Variants in DNAI4 observed in about 807,000 individuals in gnomAD.
The protein encoded by DNAI4 is dynein axonemal intermediate chain 4, also known as WD repeat domain 78.
Under a neutral mutation model 105.8 loss-of-function variants are expected in DNAI4, and 85 were observed. The observed-to-expected ratio is 0.80, with a 90% CI of 0.67 to 0.96. The LOEUF (loss-of-function observed/expected upper bound fraction) is 0.96, where lower values mean the gene tolerates loss of function less well. DNAI4 is among the 40% of genes least tolerant of loss of function. The pLI is 0.00. For synonymous variants in DNAI4, 352 were observed against 331.5 expected (o/e 1.06, Z -0.67); for missense variants, 1,014 against 1,005.6 (o/e 1.01, Z -0.11).
rs1192463941 is a variant in DNAI4, at chr1:66,836,230, GAGAGAA to G, written c.1582-459_1582-454del. Among the ~76,000 whole-genome samples the G allele has an allele frequency of 3.3e-4, 46 of 137,866 alleles. 1 individual carries two copies. The highest frequency in any genetic ancestry group is 1.3e-3 in the African/African-American group (46 of 35,522). The allele number at this position is 137,866 out of a possible 152,430, so 90.4% of individuals were successfully genotyped here. On this transcript the variant is annotated intron_variant, in intron 10 of 16. Coordinates refer to ENST00000371026, the MANE Select transcript of DNAI4 (RefSeq NM_024763.5). ...AAAGAGAGAGAGAGAGAGAGAGAGAGAGAGAAAGAAAGAAAGAGAGAGAGAGAAAGA... is the reference window on the plus strand; with the variant it reads ...AAAGAGAGAGAGAGAGAGAGAGAGAGAGAAAGAAAGAGAGAGAGAGAAAGA...
At chr1:66,838,651 A>G (rs189139224) in intron 9 of DNAI4, among the ~76,000 whole-genome samples, 14 of 152,336 alleles carry the variant, frequency 9.2e-5, no homozygotes, top group Admixed American at 6.5e-4. Flanking sequence ...TTAGAATATT[A>G]TATTTTCTTA....
At chr1:66,846,283 T>C (rs1033664229) in intron 8 of DNAI4, among the ~76,000 whole-genome samples, 22 of 152,184 alleles carry the variant, frequency 1.4e-4, no homozygotes, top group African/African-American at 4.1e-4. Flanking sequence ...TTCTTCTAGA[T>C]GCATGCAGGC....
rs926023587 is a variant in DNAI4, at chr1:66,904,057, A to G, written c.345+1144T>C. On this transcript the variant is annotated intron_variant, in intron 2 of 16. Transcript: ENST00000371026. ...TATGCATATATATTTAAATGCATGT[A>G]TTCATATATATGTGTATATACACAC... Among the ~76,000 whole-genome samples the G allele has an allele frequency of 2.6e-5, 4 of 151,914 alleles. No homozygotes were observed. The East Asian group carries it at 7.7e-4, about 29-fold the overall frequency.
chr1:66,856,793 G>T (rs1178659359), intron 7 of DNAI4, among the ~76,000 whole-genome samples: 1 of 151,834 alleles, frequency 6.6e-6, no homozygotes, highest in African/African-American at 2.4e-5. Context: ...TAAATGAAAA[G>T]GAAAATACAA....
chr1:66,840,166 A>G (rs1263231708), intron 9 of DNAI4, among the ~76,000 whole-genome samples: 1 of 152,192 alleles, frequency 6.6e-6, no homozygotes. Flanking sequence ...CGTATAGTTT[A>G]CTTATTCATA....
At chr1:66,840,804 G>A in intron 8 of DNAI4, 133 bp from the exon 9 acceptor site, 1 of 934,308 alleles carries the variant, frequency 1.1e-6, no homozygotes, top group Non-Finnish European at 1.6e-6. Flanking sequence ...TGGTGCAAGT[G>A]GCAGGGCACC....
At chr1:66,839,396 T>C (rs1646099869) in intron 9 of DNAI4, among the ~76,000 whole-genome samples, 1 of 152,220 alleles carries the variant, frequency 6.6e-6, no homozygotes, top group South Asian at 2.1e-4. Flanking sequence ...ATTAAAATAA[T>C]GTGTTATTTA....
chr1:66,829,055 A>C (rs1446850267), intron 13 of DNAI4, among the ~76,000 whole-genome samples: 4 of 152,152 alleles, frequency 2.6e-5, no homozygotes, highest in African/African-American at 9.7e-5. Context: ...AGGAATGGGC[A>C]GATATTTCAG....
chr1:66,848,051 G>C, intron 7 of DNAI4: 1 of 370,040 alleles, frequency 2.7e-6, no homozygotes, highest in Non-Finnish European at 5.2e-6. Context: ...TCTTGCTGCT[G>C]TAACAAATCA....
chr1:66,839,333 A>G (rs1285906360), intron 9 of DNAI4, among the ~76,000 whole-genome samples: 2 of 152,202 alleles, frequency 1.3e-5, no homozygotes, highest in African/African-American at 2.4e-5. Context: ...ATAGTTTTAT[A>G]AAGATAAATT....
At chr1:66,865,518 C>T (rs1239837193) in intron 6 of DNAI4, among the ~76,000 whole-genome samples, 2 of 152,180 alleles carry the variant, frequency 1.3e-5, no homozygotes, top group Non-Finnish European at 2.9e-5. Context: ...ATACAAGAAT[C>T]AGAGAAATGG....
intron 1 of DNAI4, among the ~76,000 whole-genome samples, chr1:66,913,556 C>T (rs944184102): frequency 1.3e-5 from 2 of 151,968 alleles, no homozygotes; most frequent in African/African-American, 2.4e-5. Context: ...CAATTGTGGC[C>T]CTGCAGGGAA....
At chr1:66,903,189 G>T (rs1019048830) in intron 2 of DNAI4, among the ~76,000 whole-genome samples, 3 of 152,102 alleles carry the variant, frequency 2.0e-5, no homozygotes, top group African/African-American at 7.2e-5. Context: ...ATGTCTTTCT[G>T]TTTACTGGTG....
Position 66,835,633 on chromosome 1 carries a change from C to G in DNAI4, c.1726G>C (p.Asp576His). ...VRSNSNVPVL[D>H]SSESPQKHLG... ...TAATTCTCGGATTCTTACCTACTAT[C>G]CAGAACTGGAACATTACTGTTGCTC... is the stretch of plus-strand genomic sequence containing the variant. Residue 576 changes from aspartate to histidine, a missense_variant, in exon 11 of 17, where the codon GAT (aspartate) becomes CAT (histidine). Transcript: ENST00000371026. 6.2e-7 allele frequency: 1 copy of G among 1,613,986 alleles called. No homozygotes were observed.
chr1:66,858,532 C>CAAAAAAAAAAAAAAAAAAAAAAAAA (rs3033717), intron 7 of DNAI4, among the ~76,000 whole-genome samples: 1 of 63,600 alleles, frequency 1.6e-5, no homozygotes, highest in Non-Finnish European at 3.1e-5. Context: ...GACTCCGTCT[C>CAAAAAAAAAAAAAAAAAAAAAAAAA]AAAAAAAAAA....
intron 10 of DNAI4, among the ~76,000 whole-genome samples, chr1:66,836,256 GAAAGAAAGAAAGAAAGAAAGAAAGAA>G (rs1646008967): frequency 2.8e-4 from 4 of 14,128 alleles, no homozygotes; most frequent in African/African-American, 7.4e-4. Flanking sequence ...GAGAGAGAGA[GAAAGAAAGAAAGAAAGAAAGAAAGAA>G]AGAAAGAAAG....
chr1:66,827,004 C>T lies in DNAI4; in HGVS notation c.2155G>A (p.Val719Ile). 8 of 1,614,022 alleles carry T rather than the reference C, an allele frequency of 5.0e-6. No homozygotes were observed. The highest frequency in any genetic ancestry group is 5.1e-6 in the Non-Finnish European group (6 of 1,180,010). Residue 719 changes from valine to isoleucine, a missense_variant, in exon 15 of 17, where the codon GTA (valine) becomes ATA (isoleucine). By Grantham distance (29) the Val-to-Ile change is conservative (BLOSUM62 3). Transcript: ENST00000371026. ...CAATCTGCAGAACAGCTTAAAAATA[C>T]ATCATGACAAAATGGATTCCATGTC... ...KVTWNPFCHD[V>I]FLSCSADWGV...
intron 6 of DNAI4, chr1:66,870,966 G>A (rs1557943623): frequency 6.2e-6 from 1 of 161,636 alleles, no homozygotes; most frequent in Non-Finnish European, 1.3e-5. Context: ...ATAAAATGGG[G>A]AAGCATAATA....
In DNAI4 at chr1:66,814,231, G is replaced by A. The variant is rs780474446; in HGVS notation, c.2497-51C>T. On this transcript the variant is annotated intron_variant, in intron 16 of 16. Coordinates refer to ENST00000371026, the MANE Select transcript of DNAI4 (RefSeq NM_024763.5). ...CAATGCAATAAAATGCAAATTAAAAGGTAAAGTAGTCTTTAAAATGCCATT... is the reference window on the plus strand; with the variant it reads ...CAATGCAATAAAATGCAAATTAAAAAGTAAAGTAGTCTTTAAAATGCCATT... 13 of 1,400,096 alleles carry A rather than the reference G, an allele frequency of 9.3e-6. No homozygotes were observed. The African/African-American group carries it at 1.0e-4, about 11-fold the overall frequency. 86.7% of individuals were successfully genotyped at this position (1,400,096 alleles called of 1,614,324 possible).
Sources: allele counts gnomAD v4.1 joint callset (sites outside exome capture counted in the v4.1 genomes callset), GRCh38; gene constraint gnomAD v4.1.1; transcripts MANE v1.5; gene names NCBI Gene and HGNC (gene_info 2026-07-23, HGNC 2026-07-21).